USP30: variants seen among roughly 807,000 people sequenced by gnomAD.
The protein encoded by USP30 is ubiquitin carboxyl-terminal hydrolase 30.
Under a neutral mutation model 68.2 loss-of-function variants are expected in USP30, and 41 were observed. The observed-to-expected ratio is 0.60, with a 90% confidence interval of 0.47 to 0.78. The LOEUF (loss-of-function observed/expected upper bound fraction) is 0.78. Among genes scored for constraint, USP30 ranks in the 30% least tolerant of loss-of-function variants. The pLI is 0.00. For missense variants in USP30, 522 were observed against 649.4 expected, an observed-to-expected ratio of 0.80 and a Z score of 2.13; for synonymous variants, 229 against 253.7, an observed-to-expected ratio of 0.90 and a Z score of 0.93.
At chr12:109,045,345 C>A (rs1346704519) in intron 3 of USP30, among the ~76,000 whole-genome samples, 6 of 152,172 alleles carry the variant, frequency 3.9e-5, no homozygotes, top group African/African-American at 1.4e-4. Context: ...AGCCCATTCT[C>A]AGGTGTTAAT....
chr12:109,059,564 A>C (rs1490757045), intron 3 of USP30, among the ~76,000 whole-genome samples: 1 of 152,012 alleles, frequency 6.6e-6, no homozygotes, highest in Non-Finnish European at 1.5e-5. Context: ...CCCAGGCTGG[A>C]GTGCAGTAGC....
intron 4 of USP30, 78 bp downstream of exon 4, chr12:109,067,705 TG>T (rs1212700859): frequency 1.6e-6 from 2 of 1,239,674 alleles, no homozygotes; most frequent in Non-Finnish European, 2.3e-6. Flanking sequence ...TAAAATTGCC[TG>T]GCCCCAGTGT....
upstream of USP30, among the ~76,000 whole-genome samples, chr12:109,048,465 A>T (rs886382544): frequency 6.6e-6 from 1 of 151,186 alleles, no homozygotes; most frequent in African/African-American, 2.4e-5. Flanking sequence ...GAGGGGGGTG[A>T]GTACCAAGGG....
At chr12:109,079,295 T>C (rs1317472495) in intron 7 of USP30, among the ~76,000 whole-genome samples, 2 of 150,812 alleles carry the variant, frequency 1.3e-5, no homozygotes. Flanking sequence ...TTGACTTATC[T>C]TCACGTTCAC....
intron 3 of USP30, among the ~76,000 whole-genome samples, chr12:109,046,092 C>CTTT (rs34629352): frequency 6.4e-5 from 3 of 46,734 alleles, no homozygotes; most frequent in African/African-American, 1.2e-4. Flanking sequence ...GGAAGTCAGT[C>CTTT]TTTTTTTTTT....
chr12:109,035,948 A>G (rs1009007966), intron 3 of USP30, among the ~76,000 whole-genome samples: 1 of 152,148 alleles, frequency 6.6e-6, no homozygotes, highest in Non-Finnish European at 1.5e-5. Context: ...GAATTGCTTG[A>G]GCTCAGGAAT....
chr12:109,075,480 A>G (rs912476517), intron 7 of USP30, among the ~76,000 whole-genome samples: 2 of 152,156 alleles, frequency 1.3e-5, no homozygotes, highest in Non-Finnish European at 2.9e-5. Flanking sequence ...TCTCCCAAGT[A>G]GCTGGGATTA....
At chr12:109,035,975 A>C (rs1312675168) in intron 3 of USP30, among the ~76,000 whole-genome samples, 1 of 152,148 alleles carries the variant, frequency 6.6e-6, no homozygotes, top group Non-Finnish European at 1.5e-5. Context: ...CCTGGTCAAC[A>C]TAGTGAGACA....
In USP30 at chr12:109,059,733, G is replaced by A. The variant is rs1042613209; in HGVS notation, c.376+1625G>A. 8.6e-5 allele frequency among the ~76,000 whole-genome samples: 13 copies of A among 151,738 alleles called. No individual in the cohort carries two copies. The South Asian group carries it at 1.0e-3, about 12-fold the overall frequency. On this transcript the variant is annotated intron_variant, in intron 3 of 12. Transcript: ENST00000257548. ...TCGCCATGTTAGCCAGACATGTCTC[G>A]AACTCCTGACCTCAACTGATCTGCC...
At chr12:109,064,016 G>C (rs2041164932) in intron 3 of USP30, among the ~76,000 whole-genome samples, 1 of 151,738 alleles carries the variant, frequency 6.6e-6, no homozygotes, top group Admixed American at 6.6e-5. Context: ...TGGGACTACA[G>C]GTGCATGCCA....
intron 3 of USP30, among the ~76,000 whole-genome samples, chr12:109,028,469 TTTG>T (rs1298939854): frequency 6.6e-6 from 1 of 151,766 alleles, no homozygotes. Context: ...TTTCTGTTTT[TTTG>T]TTGTTGTTGT....
rs775803273 is a variant in USP30, at chr12:109,071,641, CTCGTCA to C, written c.512_517del (p.Ser171_Ser172del). On this transcript the variant is annotated inframe_deletion, in exon 5 of 13. Transcript: ENST00000257548. ...CTCACGAATTATTCCATGTCATTAC[CTCGTCA>C]TTGGAAGATGAGCGAGACCGCCAGC... 6.2e-7 allele frequency: 1 copy of C among 1,614,200 alleles called. No individual in the cohort carries two copies. The highest frequency in any genetic ancestry group is 2.2e-5 in the East Asian group (1 of 44,890).
At chr12:109,058,248 C>T in intron 3 of USP30, 140 bp downstream of exon 3, 1 of 942,794 alleles carries the variant, frequency 1.1e-6, no homozygotes, top group South Asian at 2.1e-5. Context: ...ACCAAGAGCC[C>T]AATAGATACA....
At chr12:109,047,351 C>T (rs899835471) in intron 3 of USP30, among the ~76,000 whole-genome samples, 8 of 151,958 alleles carry the variant, frequency 5.3e-5, no homozygotes, top group Admixed American at 1.3e-4. Flanking sequence ...CCATGGTCAG[C>T]GGATCAATGG....
upstream of USP30, among the ~76,000 whole-genome samples, chr12:109,051,677 C>A (rs1566081541): frequency 3.3e-5 from 5 of 150,472 alleles, no homozygotes. Flanking sequence ...TCAAGCAATT[C>A]TCCTGCCTCA....
At chr12:109,024,169 G>A (rs558431244) in intron 1 of USP30, among the ~76,000 whole-genome samples, 4 of 152,220 alleles carry the variant, frequency 2.6e-5, no homozygotes, top group African/African-American at 9.6e-5. Context: ...TAGGGTGGTG[G>A]TCAGAATCAA....
chr12:109,072,262 A>G (rs1413523160), intron 5 of USP30, 43 bp from the exon 6 acceptor site: 1 of 1,583,044 alleles, frequency 6.3e-7, no homozygotes, highest in Non-Finnish European at 8.7e-7. Context: ...GAAAGGGATT[A>G]TAGTAAGGTT....
chr12:109,043,103 A>T (rs896323611), intron 3 of USP30, among the ~76,000 whole-genome samples: 7 of 152,210 alleles, frequency 4.6e-5, no homozygotes, highest in Non-Finnish European at 8.8e-5. Context: ...ATTAAAGAAG[A>T]CATAATGGAA....
At chr12:109,052,823 G>GT (rs1566082818) in intron 1 of USP30, 62 bp downstream of exon 1, 3 of 1,382,392 alleles carry the variant, frequency 2.2e-6, no homozygotes, top group Admixed American at 6.5e-5. Context: ...GCTTGGGCCC[G>GT]TGACGGCTTT....
Sources: gnomAD v4.1 joint callset for allele counts (sites outside exome capture counted in the v4.1 genomes callset) on GRCh38, gnomAD v4.1.1 for gene constraint, MANE v1.5 for transcripts, NCBI Gene and HGNC (gene_info 2026-07-23, HGNC 2026-07-21) for gene names.